The following ITPR1 variants were observed in gnomAD, a reference collection of about 807,000 sequenced individuals.
The protein encoded by ITPR1 is inositol 1,4,5-trisphosphate receptor type 1, also known as inositol 1,4,5-trisphosphate-gated calcium channel ITPR1.
In ITPR1, 96 loss-of-function variants were observed where a neutral mutation model predicts 318.4. That is an observed-to-expected ratio of 0.30 (90% CI 0.26 to 0.36). The LOEUF (loss-of-function observed/expected upper bound fraction) is 0.36. Ranked by LOEUF, ITPR1 falls within the 10% of genes least tolerant of loss-of-function variation. ITPR1 has a pLI of 1.00. For missense variants in ITPR1, 2,440 were observed against 3,460.2 expected (o/e 0.71, Z 7.40); for synonymous variants, 1,312 against 1,289.9 (o/e 1.02, Z -0.37).
intron 4 of ITPR1, among the ~76,000 whole-genome samples, chr3:4,554,624 C>A (rs1189124722): frequency 6.6e-6 from 1 of 152,002 alleles, no homozygotes; most frequent in Non-Finnish European, 1.5e-5. Flanking sequence ...GTTACATCAA[C>A]CCCCTGAGAG....
chr3:4,568,723 G>A (rs1414846997), intron 4 of ITPR1, among the ~76,000 whole-genome samples: 1 of 152,184 alleles, frequency 6.6e-6, no homozygotes, highest in Non-Finnish European at 1.5e-5. Context: ...AATAGAGGGA[G>A]CCAGGTGTCA....
intron 24 of ITPR1, among the ~76,000 whole-genome samples, chr3:4,678,181 T>C (rs2094222442): frequency 6.6e-6 from 1 of 152,220 alleles, no homozygotes; most frequent in Non-Finnish European, 1.5e-5. Context: ...CAAAGTCATG[T>C]AATTAGGACG....
At chr3:4,774,980 G>A (rs973189448) in intron 46 of ITPR1, among the ~76,000 whole-genome samples, 1 of 152,216 alleles carries the variant, frequency 6.6e-6, no homozygotes, top group Admixed American at 6.5e-5. Flanking sequence ...GACTCAAAAA[G>A]ATTATAGGAG....
intron 4 of ITPR1, among the ~76,000 whole-genome samples, chr3:4,563,753 C>T (rs974697931): frequency 6.6e-6 from 1 of 152,038 alleles, no homozygotes; most frequent in Non-Finnish European, 1.5e-5. Flanking sequence ...CCTGTGACTC[C>T]ACAGACCAGT....
At chr3:4,524,901 A>G (rs951310939) in intron 4 of ITPR1, among the ~76,000 whole-genome samples, 2 of 152,192 alleles carry the variant, frequency 1.3e-5, no homozygotes, top group South Asian at 4.1e-4. Context: ...AGAGGATAAT[A>G]GGCTCTATCT....
chr3:4,788,810 GGATCGT>G (rs2047365982), intron 52 of ITPR1, among the ~76,000 whole-genome samples: 1 of 152,182 alleles, frequency 6.6e-6, no homozygotes, highest in Non-Finnish European at 1.5e-5. Context: ...AACTTAAAAA[GGATCGT>G]GCTTGATTTC....
In ITPR1 at chr3:4,800,439, C is replaced by T. The variant is rs1422611632; in HGVS notation, c.6946C>T (p.His2316Tyr). Residue 2316 changes from histidine (H) to tyrosine (Y), a missense_variant, in exon 54 of 62, where the codon CAC becomes TAC. His to Tyr is a moderately conservative substitution (Grantham distance 83, BLOSUM62 2). Coordinates refer to ENST00000649015, the MANE Select transcript of ITPR1 (RefSeq NM_001378452.1). ...KGVRGGTLEP[H>Y]WSGLLWTAML... ...TGTCCTTGCAGGAACCCTGGAGCCCCACTGGTCGGGACTCCTGTGGACAGC... is the reference window on the plus strand; with the variant it reads ...TGTCCTTGCAGGAACCCTGGAGCCCTACTGGTCGGGACTCCTGTGGACAGC... 2 of 1,613,766 alleles carry T rather than the reference C, an allele frequency of 1.2e-6. No homozygotes were observed. Among genetic ancestry groups the T allele is most frequent in the Non-Finnish European group, 1.7e-6 (2 of 1,179,796 alleles).
intron 4 of ITPR1, among the ~76,000 whole-genome samples, chr3:4,554,067 A>G (rs1191098717): frequency 6.6e-6 from 1 of 152,236 alleles, no homozygotes; most frequent in Non-Finnish European, 1.5e-5. Context: ...AATTTTAAAA[A>G]GAACCTTTAT....
intron 4 of ITPR1, among the ~76,000 whole-genome samples, chr3:4,563,178 C>T (rs572796038): frequency 2.6e-5 from 4 of 152,218 alleles, no homozygotes; most frequent in South Asian, 4.2e-4. Flanking sequence ...ATTGGTGTGT[C>T]TTGGCCCATG....
chr3:4,665,842 A>T (rs749676203), intron 17 of ITPR1, among the ~76,000 whole-genome samples: 1 of 152,234 alleles, frequency 6.6e-6, no homozygotes, highest in Non-Finnish European at 1.5e-5. Context: ...AGGAGCTCCA[A>T]ACAACCTTCA....
At chr3:4,776,362 G>T (rs1452302552) in intron 47 of ITPR1, among the ~76,000 whole-genome samples, 3 of 152,138 alleles carry the variant, frequency 2.0e-5, no homozygotes, top group Non-Finnish European at 2.9e-5. Context: ...GAGCCACCGC[G>T]CCCAGCCAAG....
intron 4 of ITPR1, among the ~76,000 whole-genome samples, chr3:4,557,075 G>C (rs1041796059): frequency 1.3e-5 from 2 of 152,120 alleles, no homozygotes; most frequent in Non-Finnish European, 2.9e-5. Context: ...TTGATGACTT[G>C]AGCCCAGAAT....
At chr3:4,726,851 C>A (rs2125308279) in intron 41 of ITPR1, among the ~76,000 whole-genome samples, 1 of 152,298 alleles carries the variant, frequency 6.6e-6, no homozygotes, top group Middle Eastern at 3.4e-3. Context: ...ACTTCTTTTT[C>A]ATGATCTTTG....
At chr3:4,647,415 A>G (rs1427424110) in intron 10 of ITPR1, among the ~76,000 whole-genome samples, 1 of 152,192 alleles carries the variant, frequency 6.6e-6, no homozygotes, top group Non-Finnish European at 1.5e-5. Flanking sequence ...TGAATTAAAT[A>G]CCTAGCAGTG....
At position 4,684,299 on chromosome 3, in the gene ITPR1, C is replaced by T; in HGVS notation, c.3517C>T (p.Gln1173Ter). Residue 1173 changes from glutamine (Q) to a stop codon, truncating the protein, a stop_gained, in exon 29 of 62, where the codon CAA becomes TAA. Transcript: ENST00000649015. LOFTEE classifies it high-confidence loss of function. ...KKTEEGNNKP[Q>*]KHESTSSYNY... ...TTTCTAGGAGGGAAATAACAAGCCA[C>T]AAAAGCATGAAAGCACCAGCAGCTA... The T allele has an allele frequency of 6.2e-7, 1 of 1,612,616 alleles. No homozygotes were observed.
chr3:4,791,317 G>C (rs764449344), intron 52 of ITPR1, among the ~76,000 whole-genome samples: 2 of 152,200 alleles, frequency 1.3e-5, no homozygotes, highest in Non-Finnish European at 2.9e-5. Flanking sequence ...GCAGAGACTG[G>C]TTTCATGGAA....
chr3:4,814,998 G>T, intron 58 of ITPR1, 55 bp from the exon 59 acceptor site: 1 of 1,475,936 alleles, frequency 6.8e-7, no homozygotes, highest in Non-Finnish European at 9.2e-7. Context: ...CCCAGGCTCC[G>T]CAGACCAAAG....
intron 33 of ITPR1, among the ~76,000 whole-genome samples, chr3:4,695,144 T>C (rs1253448837): frequency 6.6e-6 from 1 of 152,254 alleles, no homozygotes; most frequent in Non-Finnish European, 1.5e-5. Flanking sequence ...AACTAATTTA[T>C]GATGTAATGA....
At chr3:4,825,054 G>C (rs958206584) in intron 60 of ITPR1, among the ~76,000 whole-genome samples, 1 of 152,172 alleles carries the variant, frequency 6.6e-6, no homozygotes, top group Non-Finnish European at 1.5e-5. Context: ...CCACACCCAG[G>C]TGACTCATCT....
Sources: gnomAD v4.1 joint callset for allele counts (sites outside exome capture counted in the v4.1 genomes callset) on GRCh38, gnomAD v4.1.1 for gene constraint, MANE v1.5 for transcripts, NCBI Gene and HGNC (gene_info 2026-07-23, HGNC 2026-07-21) for gene names.